Variants in ACP7 observed in about 807,000 individuals in gnomAD.
The protein encoded by ACP7 is acid phosphatase type 7.
A neutral mutation model predicts 60.6 loss-of-function variants in ACP7; 58 were observed. That is an observed-to-expected ratio of 0.96 (90% confidence interval 0.77 to 1.19). The LOEUF is 1.19. Ranked by LOEUF, ACP7 falls within the 50% of genes most tolerant of loss-of-function variation. The pLI is 0.00. For missense variants in ACP7, 574 were observed against 596.2 expected (o/e 0.96, Z 0.39); for synonymous variants, 237 against 232.6 (o/e 1.02, Z -0.17).
intron 11 of ACP7, among the ~76,000 whole-genome samples, chr19:39,106,208 C>A (rs1456248268): frequency 6.6e-6 from 1 of 152,176 alleles, no homozygotes; most frequent in Non-Finnish European, 1.5e-5. Flanking sequence ...AAAAAGCTTT[C>A]TTGGAGGGTC....
intron 11 of ACP7, among the ~76,000 whole-genome samples, chr19:39,104,451 C>T (rs1280004584): frequency 6.6e-6 from 1 of 152,188 alleles, no homozygotes; most frequent in Non-Finnish European, 1.5e-5. Context: ...CATTGATCTC[C>T]CAGAGTAGCT....
chr19:39,097,415 T>G (rs201818816), intron 2 of ACP7, among the ~76,000 whole-genome samples: 1 of 127,386 alleles, frequency 7.9e-6, no homozygotes, highest in Non-Finnish European at 1.8e-5. Context: ...AAAAAAAAAA[T>G]TAGCTGGGCA....
intron 2 of ACP7, among the ~76,000 whole-genome samples, chr19:39,086,649 G>C (rs989786205): frequency 7.0e-6 from 1 of 142,988 alleles, no homozygotes; most frequent in Non-Finnish European, 1.5e-5. Flanking sequence ...AAAGGGGGGG[G>C]GGAGGGGGAT....
chr19:39,108,360 C>T (rs148909132), intron 12 of ACP7, among the ~76,000 whole-genome samples: 174 of 151,902 alleles, frequency 1.1e-3, no homozygotes, highest in South Asian at 8.1e-3. Flanking sequence ...AGAATGGTCT[C>T]GAACTCCTGA....
chr19:39,097,726 A>G (rs2073283275), intron 2 of ACP7, among the ~76,000 whole-genome samples: 1 of 151,916 alleles, frequency 6.6e-6, no homozygotes, highest in Admixed American at 6.6e-5. Context: ...CTTAAATGAT[A>G]TCATGTGTGT....
At chr19:39,098,797 C>A in intron 3 of ACP7, 139 bp downstream of exon 3, 1 of 1,357,024 alleles carries the variant, frequency 7.4e-7, no homozygotes, top group East Asian at 2.5e-5. Context: ...TATGAGACCC[C>A]AGGATGAAAA....
intron 12 of ACP7, among the ~76,000 whole-genome samples, chr19:39,108,717 T>C (rs1244444083): frequency 6.6e-6 from 1 of 152,202 alleles, no homozygotes; most frequent in Admixed American, 6.5e-5. Flanking sequence ...CACCTTTCTT[T>C]ATTTTTGCCA....
At chr19:39,089,032 C>A (rs938322320) in intron 2 of ACP7, among the ~76,000 whole-genome samples, 2 of 151,646 alleles carry the variant, frequency 1.3e-5, no homozygotes, top group Admixed American at 1.3e-4. Context: ...CAGGTTCAAG[C>A]GATTCTCCTG....
intron 2 of ACP7, among the ~76,000 whole-genome samples, chr19:39,096,388 A>T (rs999871764): frequency 6.6e-6 from 1 of 152,204 alleles, no homozygotes; most frequent in Non-Finnish European, 1.5e-5. Flanking sequence ...TTGCTAAAAG[A>T]TAACAAGAGT....
chr19:39,084,581 G>A (rs1368724709), intron 1 of ACP7, among the ~76,000 whole-genome samples, 181 bp downstream of exon 1: 5 of 151,828 alleles, frequency 3.3e-5, no homozygotes, highest in African/African-American at 4.8e-5. Flanking sequence ...CTCTGGCCAT[G>A]ATGGGCTCTA....
chr19:39,092,787 T>TCC (rs1568476405), intron 2 of ACP7, among the ~76,000 whole-genome samples: 1 of 141,084 alleles, frequency 7.1e-6, no homozygotes, highest in Non-Finnish European at 1.5e-5. Context: ...TTTTTTTTTT[T>TCC]TTTTTTTTGA....
chr19:39,107,578 CA>C (rs34130688), intron 12 of ACP7, among the ~76,000 whole-genome samples: 32,852 of 80,956 alleles, frequency 0.41, 4,684 homozygotes, highest in Middle Eastern at 0.44. Flanking sequence ...GACTCTGTCT[CA>C]AAAAAAAAAA....
At chr19:39,087,462 G>A (rs1010940794) in intron 2 of ACP7, among the ~76,000 whole-genome samples, 1 of 151,920 alleles carries the variant, frequency 6.6e-6, no homozygotes, top group Non-Finnish European at 1.5e-5. Context: ...AGGGAGAAAA[G>A]TTGCTTGTTT....
intron 11 of ACP7, among the ~76,000 whole-genome samples, chr19:39,103,454 T>G (rs1173783226): frequency 6.8e-6 from 1 of 147,794 alleles, no homozygotes; most frequent in Non-Finnish European, 1.5e-5. Context: ...TTTTTTTTTT[T>G]TTTTTTTTTT....
chr19:39,098,652 C>G lies in ACP7; in HGVS notation c.316C>G (p.Gln106Glu). 1 of 1,610,066 alleles carries G rather than the reference C, an allele frequency of 6.2e-7. No homozygotes were observed. The highest frequency in any genetic ancestry group is 8.5e-7 in the Non-Finnish European group (1 of 1,177,924). The stretch of plus-strand genomic sequence containing the variant: ...GCTTCGCAAGCTGCTGCCAGGGGTT[C>G]AGTATGGTGAGAGGGGCCCCAGGCT... ...VTLRKLLPGV[Q>E]YVYRCGSAQG... Residue 106 changes from glutamine to glutamate, a missense_variant, in exon 3 of 13, where the codon CAG becomes GAG. By Grantham distance (29) the Gln-to-Glu change is conservative. Transcript: ENST00000331256.
In ACP7 at chr19:39,099,014, T is replaced by G. The variant is rs1395994783; in HGVS notation, c.377T>G (p.Leu126Arg). 6.2e-7 allele frequency: 1 copy of G among 1,613,578 alleles called. No homozygotes were observed. Among genetic ancestry groups the G allele is most frequent in the Non-Finnish European group, 8.5e-7 (1 of 1,179,884 alleles). The change falls in exon 4 of 13, where the codon CTC becomes CGC. Residue 126 changes from leucine to arginine, a missense_variant. Coordinates refer to ENST00000331256, the MANE Select transcript of ACP7 (RefSeq NM_001004318.3). ...AGCCGTCGGTTCCGCTTCAGGGCCCTCAAGAATGGGGCCCACTGGAGTCCC... is the reference window on the plus strand; with the variant it reads ...AGCCGTCGGTTCCGCTTCAGGGCCCGCAAGAATGGGGCCCACTGGAGTCCC... Reference protein sequence around the residue: ...GWSRRFRFRALKNGAHWSPRL... With the variant: ...GWSRRFRFRARKNGAHWSPRL...
chr19:39,092,771 C>CTTTTTTTTTT (rs67888880), intron 2 of ACP7, among the ~76,000 whole-genome samples: 1 of 114,668 alleles, frequency 8.7e-6, no homozygotes, highest in Non-Finnish European at 1.8e-5. Context: ...TCCCATTCCT[C>CTTTTTTTTTT]TTTTTTTTTT....
chr19:39,085,150 A>C lies in ACP7; in HGVS notation c.-120A>C. 1 of 1,327,110 alleles carries C rather than the reference A, an allele frequency of 7.5e-7. No homozygotes were observed. Among genetic ancestry groups the C allele is most frequent in the Non-Finnish European group, 1.0e-6 (1 of 977,908 alleles). 82.2% of individuals were successfully genotyped at this position (1,327,110 alleles called of 1,614,324 possible). A position where few individuals can be genotyped will look rare whatever the true frequency, so the allele number is the denominator to read the frequency against. On this transcript the variant is annotated 5_prime_UTR_variant, in exon 2 of 13. Coordinates refer to ENST00000331256, the MANE Select transcript of ACP7 (RefSeq NM_001004318.3). ...CCCTGCCCTGCCTCTGTTGTCCCCC[A>C]GAGCACTGCCTGATCATCCTCTGTT... is the stretch of plus-strand genomic sequence containing the variant.
At chr19:39,106,122 G>C (rs2073408490) in intron 11 of ACP7, among the ~76,000 whole-genome samples, 1 of 152,036 alleles carries the variant, frequency 6.6e-6, no homozygotes, top group Admixed American at 6.6e-5. Context: ...CCTCACCCTG[G>C]CATCCTCTCT....
Sources: gnomAD v4.1 joint callset for allele counts (sites outside exome capture counted in the v4.1 genomes callset) on GRCh38, gnomAD v4.1.1 for gene constraint, MANE v1.5 for transcripts, NCBI Gene and HGNC (gene_info 2026-07-23, HGNC 2026-07-21) for gene names.